LZIC: variants seen among roughly 807,000 people sequenced by gnomAD.
LZIC encodes the protein leucine zipper and CTNNBIP1 domain containing.
Under a neutral mutation model 25.4 loss-of-function variants are expected in LZIC, and 28 were observed. The observed-to-expected ratio is 1.10, with a 90% CI of 0.82 to 1.51. The LOEUF (loss-of-function observed/expected upper bound fraction) is 1.51, where lower values mean the gene tolerates loss of function less well. Ranked by LOEUF, LZIC falls within the 40% of genes most tolerant of loss-of-function variation. The pLI, the probability that LZIC is intolerant of heterozygous loss-of-function variation, is 0.00. For missense variants in LZIC, 170 were observed against 211.1 expected, an observed-to-expected ratio of 0.81 and a Z score of 1.21; for synonymous variants, 65 against 70.7, an observed-to-expected ratio of 0.92 and a Z score of 0.40.
At chr1:9,936,372 G>A (rs1640457623) in intron 3 of LZIC, 147 bp downstream of exon 3, 1 of 572,106 alleles carries the variant, frequency 1.7e-6, no homozygotes, top group East Asian at 3.0e-5. Context: ...TCCAAAGCCT[G>A]CAATAAGTTT....
intron 6 of LZIC, among the ~76,000 whole-genome samples, chr1:9,932,544 G>A (rs577330723): frequency 9.3e-5 from 14 of 151,230 alleles, no homozygotes; most frequent in African/African-American, 2.7e-4. Flanking sequence ...TTAGCCAGGC[G>A]TAGTGGTGGG....
At chr1:9,941,319 C>T (rs1212441035) in intron 2 of LZIC, among the ~76,000 whole-genome samples, 2 of 151,768 alleles carry the variant, frequency 1.3e-5, no homozygotes, top group African/African-American at 2.4e-5. Context: ...CTCGGTCTCC[C>T]GAGTAGCTGG....
chr1:9,938,210 T>A (rs1177359680), intron 2 of LZIC, among the ~76,000 whole-genome samples: 1 of 152,150 alleles, frequency 6.6e-6, no homozygotes. Flanking sequence ...CTCTGTTGCC[T>A]AGGCTGAAGC....
At chr1:9,936,263 G>C (rs909413933) in intron 3 of LZIC, among the ~76,000 whole-genome samples, 1 of 152,142 alleles carries the variant, frequency 6.6e-6, no homozygotes, top group African/African-American at 2.4e-5. Context: ...TAAAGACAAA[G>C]TAGGTGTTAT....
At chr1:9,941,149 T>C (rs1304526213) in intron 2 of LZIC, among the ~76,000 whole-genome samples, 1 of 151,890 alleles carries the variant, frequency 6.6e-6, no homozygotes, top group African/African-American at 2.4e-5. Context: ...TTGTGAATTA[T>C]TTAAGTAGGG....
downstream of LZIC, among the ~76,000 whole-genome samples, chr1:9,923,518 C>CTTTTTTTTT (rs60858066): frequency 5.1e-3 from 376 of 74,154 alleles, 18 homozygotes; most frequent in Non-Finnish European, 8.2e-3. Flanking sequence ...CCCAATGCTT[C>CTTTTTTTTT]TTTTTTTTTT....
intron 5 of LZIC, among the ~76,000 whole-genome samples, chr1:9,933,917 AC>A (rs377269352): frequency 2.7e-3 from 171 of 62,222 alleles, no homozygotes; most frequent in South Asian, 7.1e-3. Context: ...AACAACAACA[AC>A]AACAAAAAAA....
At chr1:9,931,792 G>A (rs959169539) in intron 7 of LZIC, 99 bp downstream of exon 7, 5 of 705,076 alleles carry the variant, frequency 7.1e-6, no homozygotes, top group Non-Finnish European at 1.2e-5. Context: ...TAAACTCAAG[G>A]AAAGGTTATT....
chr1:9,941,528 TCTCA>T (rs1160835354), intron 2 of LZIC, among the ~76,000 whole-genome samples: 1 of 124,448 alleles, frequency 8.0e-6, no homozygotes, highest in African/African-American at 3.2e-5. Context: ...TGAGATGGAG[TCTCA>T]CTCTGTCGCC....
chr1:9,934,579 TATA>T (rs1640373634), intron 5 of LZIC, among the ~76,000 whole-genome samples, 180 bp downstream of exon 5: 1 of 152,212 alleles, frequency 6.6e-6, no homozygotes, highest in Non-Finnish European at 1.5e-5. Context: ...TAAACTGCCG[TATA>T]TTGTTTAAAG....
At position 9,929,783 on chromosome 1, in the gene LZIC, G is replaced by A. The variant is rs939592551; in HGVS notation, c.*616C>T. 1.0e-5 allele frequency: 10 copies of A among 984,604 alleles called. No individual in the cohort carries two copies. Among genetic ancestry groups the A allele is most frequent in the Middle Eastern group, 5.2e-4 (1 of 1,934 alleles). The allele number at this position is 984,604 out of a possible 1,614,324, so 61.0% of individuals were successfully genotyped here. A position where few individuals can be genotyped will look rare whatever the true frequency, so the allele number is the denominator to read the frequency against. ...AAAAACACTGACTTGCACAAATAGTGTTAATTATTTTTTTTAAATGGTACA... is the reference window on the plus strand; with the variant it reads ...AAAAACACTGACTTGCACAAATAGTATTAATTATTTTTTTTAAATGGTACA... On this transcript the variant is annotated 3_prime_UTR_variant, in exon 8 of 8. Coordinates refer to ENST00000377223, the MANE Select transcript of LZIC (RefSeq NM_032368.5).
downstream of LZIC, among the ~76,000 whole-genome samples, chr1:9,925,106 C>CT (rs1409001404): frequency 6.7e-6 from 1 of 148,638 alleles, no homozygotes; most frequent in Non-Finnish European, 1.5e-5. Context: ...GAGGTCGGGA[C>CT]TTTGAGACCA....
downstream of LZIC, among the ~76,000 whole-genome samples, chr1:9,924,108 G>A (rs576526106): frequency 1.3e-5 from 2 of 151,394 alleles, no homozygotes; most frequent in Admixed American, 6.6e-5. Flanking sequence ...GGCTGGTCTC[G>A]AACTCCTGAT....
chr1:9,935,938 T>TA (rs1640434700), intron 3 of LZIC, among the ~76,000 whole-genome samples: 1 of 152,096 alleles, frequency 6.6e-6, no homozygotes, highest in African/African-American at 2.4e-5. Context: ...GAGGCCAGCC[T>TA]AGCCAACATG....
rs1207636029 is a variant in LZIC, at chr1:9,926,876, T to C, written c.*3523A>G. 6.6e-6 allele frequency among the ~76,000 whole-genome samples: 1 copy of C among 152,256 alleles called. No homozygotes were observed. The highest frequency in any genetic ancestry group is 1.5e-5 in the Non-Finnish European group (1 of 68,054). On this transcript the variant is annotated 3_prime_UTR_variant, in exon 8 of 8. Transcript: ENST00000377223. ...CAGTTTATAAGTCATTTAATAACTA[T>C]AATTGCATAGAATTTACTCACTTTT...
chr1:9,942,907 A>G (rs2101621379), intron 1 of LZIC, 125 bp from the exon 2 acceptor site: 1 of 358,714 alleles, frequency 2.8e-6, no homozygotes, highest in Non-Finnish European at 5.6e-6. Flanking sequence ...TTCCCCCTCG[A>G]CTGCGCCTAC....
In LZIC at chr1:9,929,238, T is replaced by C; in HGVS notation, c.*1161A>G. The C allele has an allele frequency of 1.1e-6, 1 of 871,942 alleles. No homozygotes were observed. Among genetic ancestry groups the C allele is most frequent in the Non-Finnish European group, 1.4e-6 (1 of 726,548 alleles). 54.0% of individuals were successfully genotyped at this position (871,942 alleles called of 1,614,324 possible). A position where few individuals can be genotyped will look rare whatever the true frequency, so the allele number is the denominator to read the frequency against. On this transcript the variant is annotated 3_prime_UTR_variant, in exon 8 of 8. Transcript: ENST00000377223. ...CATCAGTGTAGCGGAGGTCCTCTAA[T>C]CTGTCTGGTTGGCAAAGCACCTAGT...
rs1486830385 is a variant in LZIC, at chr1:9,935,519, C to T, written c.210G>A (p.Leu70=). 1 of 1,610,278 alleles carries T rather than the reference C, an allele frequency of 6.2e-7. No homozygotes were observed. Among genetic ancestry groups the T allele is most frequent in the Non-Finnish European group, 8.5e-7 (1 of 1,179,036 alleles). The part of the protein sequence containing the change: ...LKKIMSGNMT[L]VDELSGMQLA... ...GCTGCATTCCACTTAGTTCATCTAC[C>T]AAAGTCATATTTCCAGACATAATTT... Residue 70 remains leucine (L), a synonymous_variant, in exon 4 of 8, where the codon TTG becomes TTA. Coordinates refer to ENST00000377223, the MANE Select transcript of LZIC (RefSeq NM_032368.5).
In LZIC at chr1:9,929,193, CTT is replaced by C. The variant is rs1640112666; in HGVS notation, c.*1204_*1205del. On this transcript the variant is annotated 3_prime_UTR_variant, in exon 8 of 8. Transcript: ENST00000377223. ...ATTTTATGATATATGAATTTCACCT[CTT>C]TTAAGTTCCAAATAAGGCATCAGTG... is the stretch of plus-strand genomic sequence containing the variant. The C allele has an allele frequency of 4.1e-6, 2 of 490,704 alleles. No individual in the cohort carries two copies. Among genetic ancestry groups the C allele is most frequent in the Non-Finnish European group, 5.3e-6 (2 of 378,156 alleles). The allele number at this position is 490,704 out of a possible 1,614,324, so 30.4% of individuals were successfully genotyped here.
Sources: gnomAD v4.1 joint callset for allele counts (sites outside exome capture counted in the v4.1 genomes callset) on GRCh38, gnomAD v4.1.1 for gene constraint, MANE v1.5 for transcripts, NCBI Gene and HGNC (gene_info 2026-07-23, HGNC 2026-07-21) for gene names.